The following BMP5 variants were observed in gnomAD, a reference collection of about 807,000 sequenced individuals.
The protein encoded by BMP5 is bone morphogenetic protein 5.
Under a neutral mutation model 46.6 loss-of-function variants are expected in BMP5, and 23 were observed. The observed-to-expected ratio is 0.49, with a 90% CI of 0.35 to 0.70. The LOEUF is 0.70. Among genes scored for constraint, BMP5 ranks in the 30% least tolerant of loss-of-function variants. BMP5 has a pLI of 0.00. For synonymous variants in BMP5, 204 were observed against 191.9 expected (o/e 1.06, Z -0.52); for missense variants, 545 against 565.6 (o/e 0.96, Z 0.37).
chr6:55,773,223 T>G (rs1173053474), intron 4 of BMP5, among the ~76,000 whole-genome samples: 1 of 151,958 alleles, frequency 6.6e-6, no homozygotes, highest in Non-Finnish European at 1.5e-5. Flanking sequence ...GATACTACAT[T>G]GAGATGTTCC....
At chr6:55,826,946 C>T (rs111907841) in intron 1 of BMP5, among the ~76,000 whole-genome samples, 80 of 151,870 alleles carry the variant, frequency 5.3e-4, no homozygotes, top group African/African-American at 1.9e-3. Flanking sequence ...ACAACTGCTA[C>T]ATCTGTCTCA....
chr6:55,772,771 G>C, intron 4 of BMP5: 1 of 985,108 alleles, frequency 1.0e-6, no homozygotes, highest in Non-Finnish European at 1.2e-6. Flanking sequence ...ATTTAATTCA[G>C]TATAATGCAA....
chr6:55,833,976 T>C (rs1193512305), intron 1 of BMP5, among the ~76,000 whole-genome samples: 1 of 152,154 alleles, frequency 6.6e-6, no homozygotes, highest in African/African-American at 2.4e-5. Context: ...ATACAATATG[T>C]ATTTAGTAAA....
At chr6:55,861,272 G>T (rs532702242) in intron 1 of BMP5, among the ~76,000 whole-genome samples, 2 of 152,280 alleles carry the variant, frequency 1.3e-5, no homozygotes, top group Non-Finnish European at 2.9e-5. Flanking sequence ...CTGAGGCAAG[G>T]CACTCATACT....
intron 2 of BMP5, among the ~76,000 whole-genome samples, chr6:55,808,790 C>G (rs1193009284): frequency 6.6e-6 from 1 of 152,176 alleles, no homozygotes; most frequent in Non-Finnish European, 1.5e-5. Context: ...TGGGTCACAC[C>G]AGCTGCCCAG....
chr6:55,821,849 T>C (rs533459829), intron 1 of BMP5, among the ~76,000 whole-genome samples: 1 of 152,144 alleles, frequency 6.6e-6, no homozygotes, highest in African/African-American at 2.4e-5. Flanking sequence ...TAGTAACTGA[T>C]GTGCATGTAA....
chr6:55,797,082 G>A (rs1263153056), intron 2 of BMP5, among the ~76,000 whole-genome samples: 1 of 152,126 alleles, frequency 6.6e-6, no homozygotes, highest in East Asian at 1.9e-4. Flanking sequence ...AACAGAATAT[G>A]CTTGAGGAGA....
rs141012514 is a variant in BMP5 at position 55,794,564 on chromosome 6, C to G, written c.684-137G>C. The G allele has an allele frequency of 7.6e-4, 624 of 823,454 alleles. 5 individuals carry two copies. In the African/African-American group the frequency reaches 9.3e-3, roughly 12 times the overall value. 51.0% of individuals were successfully genotyped at this position (823,454 alleles called of 1,614,324 possible). A position where few individuals can be genotyped will look rare whatever the true frequency, so the allele number is the denominator to read the frequency against. The stretch of plus-strand genomic sequence containing the variant: ...TAAAGAACAAGAGGAACAAGTGACT[C>G]AAGTGATGAGTAATAAGATACAAAA... On this transcript the variant is annotated intron_variant, in intron 2 of 6. Coordinates refer to ENST00000370830, the MANE Select transcript of BMP5 (RefSeq NM_021073.4).
chr6:55,854,745 T>A (rs2127551368), intron 1 of BMP5, among the ~76,000 whole-genome samples: 1 of 152,234 alleles, frequency 6.6e-6, no homozygotes, highest in African/African-American at 2.4e-5. Flanking sequence ...AATCATCCTT[T>A]CATTTCTAGA....
At chr6:55,870,350 G>T (rs79115902) in intron 1 of BMP5, among the ~76,000 whole-genome samples, 5,908 of 152,114 alleles carry the variant, frequency 0.039, 367 homozygotes, top group African/African-American at 0.13. Flanking sequence ...GTGAAGTGTT[G>T]TTGAAGAAGA....
At chr6:55,855,173 T>C (rs1369926579) in intron 1 of BMP5, among the ~76,000 whole-genome samples, 2 of 152,164 alleles carry the variant, frequency 1.3e-5, no homozygotes, top group Non-Finnish European at 2.9e-5. Context: ...TGGGGCATGC[T>C]GGCTCATACC....
At chr6:55,757,928 C>T (rs192184097) in intron 6 of BMP5, among the ~76,000 whole-genome samples, 348 of 151,954 alleles carry the variant, frequency 2.3e-3, no homozygotes, top group African/African-American at 7.7e-3. Context: ...CAAGTATTTG[C>T]TTTTGCCAGT....
chr6:55,837,597 C>G (rs1219609529), intron 1 of BMP5, among the ~76,000 whole-genome samples: 1 of 152,024 alleles, frequency 6.6e-6, no homozygotes, highest in Non-Finnish European at 1.5e-5. Context: ...GTGAAATAAG[C>G]ACATCATGAA....
intron 1 of BMP5, among the ~76,000 whole-genome samples, chr6:55,829,909 G>T (rs566377619): frequency 6.6e-6 from 1 of 151,836 alleles, no homozygotes; most frequent in African/African-American, 2.4e-5. Context: ...CAAATCTTTG[G>T]TAACATATTT....
At chr6:55,791,756 G>T (rs906642680) in intron 3 of BMP5, among the ~76,000 whole-genome samples, 2 of 152,274 alleles carry the variant, frequency 1.3e-5, no homozygotes, top group Admixed American at 6.5e-5. Context: ...GAGCAAGAGG[G>T]AAGATGGAAA....
chr6:55,835,001 A>G (rs778988480), intron 1 of BMP5, among the ~76,000 whole-genome samples: 5 of 151,860 alleles, frequency 3.3e-5, no homozygotes, highest in Non-Finnish European at 7.4e-5. Flanking sequence ...CAGGAGAATC[A>G]TTTGAACCCA....
chr6:55,831,230 C>G (rs1311173365), intron 1 of BMP5, among the ~76,000 whole-genome samples: 2 of 152,062 alleles, frequency 1.3e-5, no homozygotes, highest in African/African-American at 4.8e-5. Flanking sequence ...AGCAAAGAAA[C>G]AGCATCCTAA....
chr6:55,823,282 T>G (rs1364385695), intron 1 of BMP5, among the ~76,000 whole-genome samples: 54 of 152,186 alleles, frequency 3.5e-4, no homozygotes, highest in Non-Finnish European at 1.5e-5. Flanking sequence ...AAGAACAGAA[T>G]AAGGAATTTG....
chr6:55,806,354 G>T (rs113817004), intron 2 of BMP5, among the ~76,000 whole-genome samples: 1 of 152,070 alleles, frequency 6.6e-6, no homozygotes, highest in Admixed American at 6.6e-5. Flanking sequence ...GTTTTTGTCT[G>T]GTTTGTTGAC....
Sources: allele counts gnomAD v4.1 joint callset (sites outside exome capture counted in the v4.1 genomes callset), GRCh38; gene constraint gnomAD v4.1.1; transcripts MANE v1.5; gene names NCBI Gene and HGNC (gene_info 2026-07-23, HGNC 2026-07-21).